NCAM2: variants seen among roughly 807,000 people sequenced by gnomAD.
NCAM2 encodes the protein neural cell adhesion molecule 2.
A neutral mutation model predicts 98.1 loss-of-function variants in NCAM2; 30 were observed. The observed-to-expected ratio is 0.31, with a 90% CI of 0.23 to 0.41. The LOEUF (loss-of-function observed/expected upper bound fraction) is 0.41, where lower values mean the gene tolerates loss of function less well. NCAM2 is among the 10% of genes least tolerant of loss of function. The pLI, the probability that NCAM2 is intolerant of heterozygous loss-of-function variation, is 1.00. For synonymous variants in NCAM2, 368 were observed against 342.4 expected, an observed-to-expected ratio of 1.07 and a Z score of -0.83; for missense variants, 867 against 1,005.8, an observed-to-expected ratio of 0.86 and a Z score of 1.87.
chr21:21,319,109 C>T (rs75166761), intron 5 of NCAM2, among the ~76,000 whole-genome samples: 1,932 of 151,690 alleles, frequency 0.013, 44 homozygotes, highest in African/African-American at 0.045. Context: ...AGAGGGAGAC[C>T]CTGTATCAAA....
intron 5 of NCAM2, among the ~76,000 whole-genome samples, chr21:21,304,075 T>A (rs1601919941): frequency 6.6e-6 from 1 of 152,186 alleles, no homozygotes; most frequent in South Asian, 2.1e-4. Flanking sequence ...TTTTCTATTT[T>A]TTAACCACTG....
chr21:21,236,767 TGTGTGTG>T (rs1319967264), intron 1 of NCAM2, among the ~76,000 whole-genome samples: 1 of 148,888 alleles, frequency 6.7e-6, no homozygotes. Flanking sequence ...TGTGTGTGTG[TGTGTGTG>T]TGTGTGTGTG....
rs565772345 is a variant in NCAM2, at chr21:21,493,161, G to A, written c.2077+15690G>A. ...AGGGAAAAATATTTATCTAAAATAG[G>A]ATGTGGTATGGTTCACTGCTGAATT... On this transcript the variant is annotated intron_variant, in intron 15 of 17. Coordinates refer to ENST00000400546, the MANE Select transcript of NCAM2 (RefSeq NM_004540.5). 2.7e-4 allele frequency among the ~76,000 whole-genome samples: 41 copies of A among 152,072 alleles called. 1 individual carries two copies. The South Asian group carries it at 8.3e-3, about 31-fold the overall frequency.
At chr21:21,486,631 G>A (rs1038190866) in intron 15 of NCAM2, among the ~76,000 whole-genome samples, 1 of 152,060 alleles carries the variant, frequency 6.6e-6, no homozygotes, top group Non-Finnish European at 1.5e-5. Flanking sequence ...ATTTCTGTGA[G>A]AATTTCATGT....
At chr21:21,492,333 T>G (rs967567177) in intron 15 of NCAM2, among the ~76,000 whole-genome samples, 1 of 151,812 alleles carries the variant, frequency 6.6e-6, no homozygotes, top group African/African-American at 2.4e-5. Context: ...GATTGGCCTG[T>G]GGAGAACAAC....
At chr21:21,240,270 A>G (rs1048543123) in intron 1 of NCAM2, among the ~76,000 whole-genome samples, 1 of 152,156 alleles carries the variant, frequency 6.6e-6, no homozygotes, top group East Asian at 1.9e-4. Flanking sequence ...ATTCTTAAAA[A>G]GTAATGTGCC....
intron 1 of NCAM2, among the ~76,000 whole-genome samples, chr21:21,219,762 A>C (rs2070061666): frequency 6.6e-6 from 1 of 152,228 alleles, no homozygotes; most frequent in South Asian, 2.1e-4. Context: ...GAGGTATTTC[A>C]GATGGCAGTT....
chr21:21,538,650 CTCTA>C lies in NCAM2; in HGVS notation c.*697_*700del, dbSNP rs1430879379. On this transcript the variant is annotated 3_prime_UTR_variant, in exon 18 of 18. Coordinates refer to ENST00000400546, the MANE Select transcript of NCAM2 (RefSeq NM_004540.5). ...ATTAGATTAGAAAGACTTTCTAAAT[CTCTA>C]TCTCTTTATATATGTCCTATTCATT... 6.6e-6 allele frequency: 1 copy of C among 152,088 alleles called. No homozygotes were observed. The highest frequency in any genetic ancestry group is 2.4e-5 in the African/African-American group (1 of 41,504). 9.4% of individuals were successfully genotyped at this position (152,088 alleles called of 1,614,324 possible).
At chr21:21,219,934 A>G (rs1456811448) in intron 1 of NCAM2, among the ~76,000 whole-genome samples, 1 of 152,180 alleles carries the variant, frequency 6.6e-6, no homozygotes, top group African/African-American at 2.4e-5. Flanking sequence ...AAAACATAAA[A>G]CAGTTAAACC....
intron 10 of NCAM2, among the ~76,000 whole-genome samples, chr21:21,411,149 C>CACACATATAT (rs1569033847): frequency 1.4e-5 from 1 of 71,372 alleles, no homozygotes; most frequent in Non-Finnish European, 2.9e-5. Flanking sequence ...TATATATATA[C>CACACATATAT]ATATATATAT....
intron 11 of NCAM2, among the ~76,000 whole-genome samples, chr21:21,421,266 A>G (rs1239092782): frequency 1.3e-5 from 2 of 152,028 alleles, no homozygotes; most frequent in Non-Finnish European, 2.9e-5. Context: ...AATATTGTTC[A>G]TTGAAAAATA....
chr21:21,487,867 C>T (rs1986520607), intron 15 of NCAM2, among the ~76,000 whole-genome samples: 1 of 152,050 alleles, frequency 6.6e-6, no homozygotes, highest in Admixed American at 6.6e-5. Context: ...TGTATTCTTA[C>T]GTGGAAAAAC....
At chr21:21,224,107 G>A (rs1031916535) in intron 1 of NCAM2, among the ~76,000 whole-genome samples, 1 of 152,142 alleles carries the variant, frequency 6.6e-6, no homozygotes, top group African/African-American at 2.4e-5. Context: ...CCATATAAAT[G>A]TGTAGCAATT....
At chr21:21,486,926 C>T (rs1341396521) in intron 15 of NCAM2, among the ~76,000 whole-genome samples, 2 of 151,956 alleles carry the variant, frequency 1.3e-5, no homozygotes, top group Non-Finnish European at 2.9e-5. Flanking sequence ...TAGTTTTAGT[C>T]CTAAACTTTA....
At chr21:21,522,156 C>CTA (rs917525720) in intron 16 of NCAM2, among the ~76,000 whole-genome samples, 2 of 146,488 alleles carry the variant, frequency 1.4e-5, no homozygotes, top group Admixed American at 1.4e-4. Context: ...TGAATGAATA[C>CTA]TATATATATG....
intron 1 of NCAM2, among the ~76,000 whole-genome samples, chr21:21,205,126 C>A (rs760768104): frequency 4.6e-5 from 7 of 152,154 alleles, no homozygotes; most frequent in Admixed American, 6.5e-5. Context: ...GTATTCATTT[C>A]TTGTTCTCCT....
Position 21,317,645 on chromosome 21 carries a change from A to G in NCAM2, c.620-6738A>G, listed in dbSNP as rs544018467. Among the ~76,000 whole-genome samples, 8 of 152,074 alleles carry G rather than the reference A, an allele frequency of 5.3e-5. No individual in the cohort carries two copies. In the South Asian group the frequency reaches 6.2e-4, roughly 12 times the overall value. On this transcript the variant is annotated intron_variant, in intron 5 of 17. Transcript: ENST00000400546. ...CTTCCCAGGCTCAAGCTATCCTCCC[A>G]TCTCAGCCTCTTAAATAGCTGGGAG... is the stretch of plus-strand genomic sequence containing the variant.
At chr21:21,337,869 G>A (rs2074917286) in intron 7 of NCAM2, among the ~76,000 whole-genome samples, 1 of 151,932 alleles carries the variant, frequency 6.6e-6, no homozygotes, top group African/African-American at 2.4e-5. Flanking sequence ...AATTTTATAT[G>A]ATTCTACTTG....
At chr21:21,380,024 C>T (rs1313621450) in intron 9 of NCAM2, among the ~76,000 whole-genome samples, 1 of 152,034 alleles carries the variant, frequency 6.6e-6, no homozygotes, top group Non-Finnish European at 1.5e-5. Flanking sequence ...CGTTTTTCTG[C>T]CTGCTTTATA....
Sources: gnomAD v4.1 joint callset for allele counts (sites outside exome capture counted in the v4.1 genomes callset) on GRCh38, gnomAD v4.1.1 for gene constraint, MANE v1.5 for transcripts, NCBI Gene and HGNC (gene_info 2026-07-23, HGNC 2026-07-21) for gene names.